Variants in TANGO6 observed in about 807,000 individuals in gnomAD.
TANGO6 encodes the protein transport and golgi organization 6 homolog.
Under a neutral mutation model 114.2 loss-of-function variants are expected in TANGO6, and 90 were observed. The observed-to-expected ratio is 0.79, with a 90% CI of 0.66 to 0.94. The LOEUF is 0.94. TANGO6 is among the 40% of genes least tolerant of loss of function. The pLI is 0.00. For missense variants in TANGO6, 1,274 were observed against 1,315.3 expected (o/e 0.97, Z 0.49); for synonymous variants, 477 against 509.8 (o/e 0.94, Z 0.87).
chr16:68,957,027 A>G (rs950197874), intron 14 of TANGO6, among the ~76,000 whole-genome samples: 1 of 152,160 alleles, frequency 6.6e-6, no homozygotes, highest in Admixed American at 6.5e-5. Context: ...AAATGAAAGC[A>G]TATCTCCTAT....
chr16:68,955,882 G>A (rs968843927), intron 14 of TANGO6, among the ~76,000 whole-genome samples: 9 of 152,172 alleles, frequency 5.9e-5, no homozygotes, highest in Non-Finnish European at 8.8e-5. Flanking sequence ...AGGCATGGTG[G>A]CTCACATCTG....
intron 16 of TANGO6, among the ~76,000 whole-genome samples, chr16:69,038,422 C>A (rs1224122115): frequency 6.6e-6 from 1 of 151,262 alleles, no homozygotes; most frequent in Non-Finnish European, 1.5e-5. Flanking sequence ...AGAGCGAGAT[C>A]CTGTTTCAAA....
intron 14 of TANGO6, among the ~76,000 whole-genome samples, chr16:68,970,912 C>G (rs1963697561): frequency 6.6e-6 from 1 of 152,094 alleles, no homozygotes; most frequent in Non-Finnish European, 1.5e-5. Context: ...AATCCCAGCA[C>G]TTTGGGAGGC....
chr16:69,037,557 C>T (rs1959709154), intron 16 of TANGO6, among the ~76,000 whole-genome samples: 1 of 152,228 alleles, frequency 6.6e-6, no homozygotes. Context: ...CAGCTCTTAC[C>T]TTGTAAATAC....
chr16:68,866,854 T>C (rs1442742496), intron 3 of TANGO6, among the ~76,000 whole-genome samples: 2 of 150,768 alleles, frequency 1.3e-5, no homozygotes, highest in African/African-American at 4.9e-5. Flanking sequence ...GGAGAATCGC[T>C]TGAACCCGGG....
At chr16:69,080,377 TG>T (rs1448249172) in intron 17 of TANGO6, among the ~76,000 whole-genome samples, 8 of 152,246 alleles carry the variant, frequency 5.3e-5, no homozygotes, top group Middle Eastern at 3.4e-3. Context: ...AAGACCAGCC[TG>T]GGCAACATAG....
chr16:68,921,522 C>T (rs1174168998), intron 12 of TANGO6, among the ~76,000 whole-genome samples: 1 of 150,478 alleles, frequency 6.6e-6, no homozygotes, highest in African/African-American at 2.4e-5. Context: ...TTTAGTTGGC[C>T]AAATAGATTT....
intron 5 of TANGO6, 94 bp downstream of exon 5, chr16:68,875,384 A>G: frequency 2.1e-6 from 3 of 1,407,880 alleles, no homozygotes; most frequent in Non-Finnish European, 2.8e-6. Context: ...AGATAAAAGC[A>G]GTATAATATT....
chr16:68,951,115 T>C (rs956577896), intron 14 of TANGO6, among the ~76,000 whole-genome samples: 2 of 151,804 alleles, frequency 1.3e-5, no homozygotes, highest in Non-Finnish European at 2.9e-5. Flanking sequence ...TTGAGCCCAG[T>C]AGTTTAAGAC....
At chr16:68,861,998 A>T (rs1962098605) in intron 2 of TANGO6, among the ~76,000 whole-genome samples, 1 of 152,078 alleles carries the variant, frequency 6.6e-6, no homozygotes, top group Non-Finnish European at 1.5e-5. Context: ...TATAGCTTAT[A>T]GATGGAGACA....
chr16:69,022,679 G>A, intron 15 of TANGO6, 149 bp from the exon 16 acceptor site: 1 of 811,976 alleles, frequency 1.2e-6, no homozygotes, highest in East Asian at 3.1e-5. Context: ...ACTCCAGTCT[G>A]GGCAATACAG....
intron 12 of TANGO6, among the ~76,000 whole-genome samples, chr16:68,926,038 GT>G (rs1193858644): frequency 2.6e-4 from 38 of 143,780 alleles, no homozygotes; most frequent in Non-Finnish European, 2.0e-4. Context: ...GTCTTGGCTG[GT>G]TTTTTTTTTT....
chr16:68,846,174 C>T (rs539831661), intron 1 of TANGO6, among the ~76,000 whole-genome samples: 5 of 151,592 alleles, frequency 3.3e-5, no homozygotes, highest in South Asian at 2.1e-4. Context: ...TACAGGCATG[C>T]GCCACATGCC....
intron 5 of TANGO6, among the ~76,000 whole-genome samples, chr16:68,877,830 G>A (rs1052334131): frequency 1.3e-5 from 2 of 151,964 alleles, no homozygotes; most frequent in South Asian, 4.2e-4. Context: ...GGATGGTCTC[G>A]ATCTCCTGAC....
chr16:68,971,754 C>G (rs930155067), intron 14 of TANGO6, among the ~76,000 whole-genome samples: 4 of 151,990 alleles, frequency 2.6e-5, no homozygotes, highest in Non-Finnish European at 4.4e-5. Flanking sequence ...GCCTCAGCCT[C>G]CTGAGTAACT....
At chr16:69,080,137 A>G (rs569079096) in intron 17 of TANGO6, among the ~76,000 whole-genome samples, 4 of 152,396 alleles carry the variant, frequency 2.6e-5, no homozygotes, top group Admixed American at 1.3e-4. Context: ...AGATGGTTAA[A>G]TAAATTGCAT....
chr16:68,872,660 C>G (rs1962292345), intron 4 of TANGO6, among the ~76,000 whole-genome samples: 1 of 143,100 alleles, frequency 7.0e-6, no homozygotes, highest in South Asian at 2.1e-4. Flanking sequence ...CTTTGCATGC[C>G]TGGTAATTTT....
At chr16:69,015,464 T>TTTTATTTA (rs60863406) in intron 15 of TANGO6, among the ~76,000 whole-genome samples, 6,696 of 143,888 alleles carry the variant, frequency 0.047, 202 homozygotes, top group Non-Finnish European at 0.054. Flanking sequence ...GCTCATTTTA[T>TTTTATTTA]TTTATTTATT....
chr16:68,974,966 G>A (rs1597043556), intron 15 of TANGO6, among the ~76,000 whole-genome samples: 1 of 152,010 alleles, frequency 6.6e-6, no homozygotes, highest in South Asian at 2.1e-4. Context: ...GCTGAGGTGG[G>A]AGGATCACCT....
Sources: gnomAD v4.1 joint callset for allele counts (sites outside exome capture counted in the v4.1 genomes callset) on GRCh38, gnomAD v4.1.1 for gene constraint, MANE v1.5 for transcripts, NCBI Gene and HGNC (gene_info 2026-07-23, HGNC 2026-07-21) for gene names.